Variants in TBL1X observed in about 807,000 individuals in gnomAD.
TBL1X encodes F-box-like/WD repeat-containing protein TBL1X.
In TBL1X, 10 loss-of-function variants were observed where a neutral mutation model predicts 50.7. The ratio of observed to expected loss-of-function variants is 0.20; its 90% CI spans 0.12 to 0.33. The LOEUF is 0.33. Among genes scored for constraint, TBL1X ranks in the 10% least tolerant of loss-of-function variants. TBL1X has a pLI of 1.00. For missense variants in TBL1X, 340 were observed against 504.4 expected (o/e 0.67, Z 3.12); for synonymous variants, 190 against 214.7 (o/e 0.88, Z 1.01).
chrX:9,571,985 A>G (rs1258311632), intron 2 of TBL1X, among the ~76,000 whole-genome samples: 1 of 112,111 alleles, frequency 8.9e-6, no homozygotes, highest in Non-Finnish European at 1.9e-5. Flanking sequence ...CCATTCATGC[A>G]TCGATGGACA....
chrX:9,550,741 C>G (rs1268259593), intron 2 of TBL1X, among the ~76,000 whole-genome samples: 2 of 112,444 alleles, frequency 1.8e-5, no homozygotes, highest in Non-Finnish European at 3.8e-5. Context: ...GTTTCAAGGA[C>G]TGCGTGTGCT....
At chrX:9,500,946 A>G (rs1296411746) in intron 1 of TBL1X, among the ~76,000 whole-genome samples, 1 of 112,006 alleles carries the variant, frequency 8.9e-6, no homozygotes, top group Non-Finnish European at 1.9e-5. Flanking sequence ...ATACTGCTGA[A>G]CATCCCACAG....
chrX:9,645,607 A>G (rs2082800190), intron 3 of TBL1X, among the ~76,000 whole-genome samples: 1 of 112,237 alleles, frequency 8.9e-6, no homozygotes, highest in Non-Finnish European at 1.9e-5. Context: ...TTCTTTGATT[A>G]TATTTACCAT....
intron 2 of TBL1X, among the ~76,000 whole-genome samples, chrX:9,555,552 T>C (rs768989558): frequency 9.0e-6 from 1 of 111,346 alleles, no homozygotes; most frequent in East Asian, 2.8e-4. Flanking sequence ...TCCTCTGGGG[T>C]AGATTTCTAG....
At chrX:9,697,790 A>C (rs775238988) in intron 12 of TBL1X, among the ~76,000 whole-genome samples, 1 of 111,438 alleles carries the variant, frequency 9.0e-6, no homozygotes, top group Non-Finnish European at 1.9e-5. Context: ...TAATAATAAT[A>C]ATCCAAAATT....
chrX:9,697,569 C>A, intron 12 of TBL1X, 140 bp downstream of exon 12: 2 of 833,809 alleles, frequency 2.4e-6, no homozygotes, highest in Non-Finnish European at 3.4e-6. Context: ...GTCAGGAGTT[C>A]AAGACCAGCC....
chrX:9,464,170 T>C (rs2081754361), upstream of TBL1X, among the ~76,000 whole-genome samples: 1 of 111,174 alleles, frequency 9.0e-6, no homozygotes, highest in African/African-American at 3.3e-5. Context: ...GGGAGTAGCC[T>C]ACGTGGAGGG....
intron 16 of TBL1X, among the ~76,000 whole-genome samples, 199 bp downstream of exon 16, chrX:9,711,975 C>T (rs2083250295): frequency 1.8e-5 from 2 of 112,512 alleles, no homozygotes; most frequent in South Asian, 7.3e-4. Context: ...CCGGCAGCTC[C>T]CCTCCCTGAG....
At chrX:9,665,540 A>ATATATATATATATAT (rs1569091686) in intron 5 of TBL1X, among the ~76,000 whole-genome samples, 1 of 32,949 alleles carries the variant, frequency 3.0e-5, no homozygotes, top group African/African-American at 1.1e-4. Flanking sequence ...TATATATATA[A>ATATATATATATATAT]AAGGCCTTGG....
intron 7 of TBL1X, 135 bp from the exon 8 acceptor site, chrX:9,691,444 A>G: frequency 2.9e-6 from 2 of 699,941 alleles, no homozygotes; most frequent in East Asian, 4.0e-5. Flanking sequence ...TCAAAAAAAA[A>G]AAAAAAAAAA....
chrX:9,481,411 G>A (rs1349073338), intron 1 of TBL1X, among the ~76,000 whole-genome samples: 1 of 112,236 alleles, frequency 8.9e-6, no homozygotes, highest in African/African-American at 3.2e-5. Context: ...AACAAAATCT[G>A]AAGCACATTT....
intron 1 of TBL1X, among the ~76,000 whole-genome samples, chrX:9,478,911 C>G (rs1476321034): frequency 8.9e-6 from 1 of 112,563 alleles, no homozygotes; most frequent in African/African-American, 3.2e-5. Context: ...AGGAAGTTCC[C>G]TTTAGTAAAA....
chrX:9,665,535 AT>A (rs2082925601), intron 5 of TBL1X, among the ~76,000 whole-genome samples: 4 of 61,263 alleles, frequency 6.5e-5, no homozygotes, highest in Non-Finnish European at 8.8e-5. Context: ...ATATATATAT[AT>A]ATAAAAGGCC....
chrX:9,609,849 T>A (rs751867190), intron 2 of TBL1X, among the ~76,000 whole-genome samples: 1 of 112,468 alleles, frequency 8.9e-6, no homozygotes, highest in Non-Finnish European at 1.9e-5. Flanking sequence ...TTGATCACAT[T>A]TGTCAGCTAT....
intron 5 of TBL1X, among the ~76,000 whole-genome samples, chrX:9,677,120 T>C (rs762047826): frequency 8.1e-5 from 9 of 110,975 alleles, no homozygotes; most frequent in Non-Finnish European, 1.3e-4. Context: ...CTCTCTCGCA[T>C]CTTTATTTTT....
chrX:9,697,779 C>A (rs759257712), intron 12 of TBL1X, among the ~76,000 whole-genome samples: 6 of 111,446 alleles, frequency 5.4e-5, no homozygotes, highest in East Asian at 2.8e-4. Flanking sequence ...TCAAAAACTA[C>A]TAATAATAAT....
At chrX:9,691,989 C>A in intron 8 of TBL1X, 124 bp from the exon 9 acceptor site, 1 of 1,084,049 alleles carries the variant, frequency 9.2e-7, no homozygotes, top group Non-Finnish European at 1.3e-6. Flanking sequence ...AACAGGGATC[C>A]AGAGGGATGA....
intron 1 of TBL1X, among the ~76,000 whole-genome samples, chrX:9,491,331 TATA>T (rs1488551306): frequency 1.2e-3 from 34 of 28,886 alleles, no homozygotes; most frequent in African/African-American, 4.6e-3. Context: ...TATATATATA[TATA>T]TATATTTTTT....
intron 2 of TBL1X, among the ~76,000 whole-genome samples, chrX:9,513,367 G>T (rs1411460691): frequency 1.8e-5 from 2 of 110,504 alleles, no homozygotes; most frequent in African/African-American, 6.6e-5. Flanking sequence ...CAGTGGGGGG[G>T]TGCAGAAGAT....
Sources: gnomAD v4.1 joint callset for allele counts (sites outside exome capture counted in the v4.1 genomes callset) on GRCh38, gnomAD v4.1.1 for gene constraint, MANE v1.5 for transcripts, NCBI Gene and HGNC (gene_info 2026-07-23, HGNC 2026-07-21) for gene names.